PDE3A: variants seen among roughly 807,000 people sequenced by gnomAD.
The protein encoded by PDE3A is cGMP-inhibited 3',5'-cyclic phosphodiesterase 3A.
PDE3A carries 43 observed loss-of-function variants against 98.3 expected under a neutral mutation model. That is an observed-to-expected ratio of 0.44 (90% CI 0.34 to 0.56). The LOEUF (loss-of-function observed/expected upper bound fraction) is 0.56. PDE3A is among the 20% of genes least tolerant of loss of function. The pLI is 0.01. For synonymous variants in PDE3A, 663 were observed against 567.9 expected, an observed-to-expected ratio of 1.17 and a Z score of -2.38; for missense variants, 1,427 against 1,440.7, an observed-to-expected ratio of 0.99 and a Z score of 0.15.
At chr12:20,663,617 T>G (rs1945235365) in intron 15 of PDE3A, among the ~76,000 whole-genome samples, 1 of 152,202 alleles carries the variant, frequency 6.6e-6, no homozygotes, top group Admixed American at 6.5e-5. Context: ...GCATGGGACG[T>G]GTAGCCCCTT....
intron 1 of PDE3A, among the ~76,000 whole-genome samples, chr12:20,406,978 C>A (rs1944244482): frequency 6.6e-6 from 1 of 152,130 alleles, no homozygotes; most frequent in South Asian, 2.1e-4. Context: ...TTATTCTGTG[C>A]CCTTGTTAAG....
chr12:20,563,221 G>A (rs1461731055), intron 2 of PDE3A, among the ~76,000 whole-genome samples: 1 of 152,116 alleles, frequency 6.6e-6, no homozygotes, highest in Non-Finnish European at 1.5e-5. Context: ...GCCTACTAAT[G>A]GCCTGATGCA....
rs1360770416 is a variant in PDE3A, at chr12:20,369,554, G to C, written c.270G>C (p.Glu90Asp). ...LVRGEVGCDL[E>D]QCKEAAAAEE... ...GCGGGGAGGTCGGCTGTGACCTGGA[G>C]CAGTGTAAGGAGGCGGCGGCGGCGG... The change falls in exon 1 of 16, where the codon GAG (glutamate) becomes GAC (aspartate). Residue 90 changes from glutamate (E) to aspartate (D), a missense_variant. Glu to Asp is a conservative substitution (Grantham distance 45). Around this residue, in one of 3 missense-constraint regions of PDE3A, gnomAD observed 1,012 missense variants for 886.5 expected, o/e 1.14. Coordinates refer to ENST00000359062, the MANE Select transcript of PDE3A (RefSeq NM_000921.5). 4 of 1,557,632 alleles carry C rather than the reference G, an allele frequency of 2.6e-6. No homozygotes were observed. The African/African-American group carries it at 5.4e-5, about 21-fold the overall frequency.
chr12:20,635,098 G>A, intron 8 of PDE3A, 42 bp downstream of exon 8: 1 of 1,543,394 alleles, frequency 6.5e-7, no homozygotes, highest in African/African-American at 1.4e-5. Flanking sequence ...CTTGAGAGAT[G>A]AGCTTCTGTT....
chr12:20,617,056 C>T (rs1452919132), intron 4 of PDE3A, among the ~76,000 whole-genome samples: 1 of 152,134 alleles, frequency 6.6e-6, no homozygotes, highest in East Asian at 1.9e-4. Flanking sequence ...TTATACTTAT[C>T]TTACTTTATT....
chr12:20,636,817 A>G (rs1202529773), intron 8 of PDE3A, among the ~76,000 whole-genome samples: 8 of 152,220 alleles, frequency 5.3e-5, no homozygotes, highest in Non-Finnish European at 7.3e-5. Context: ...ACTAACTTAT[A>G]GAAGAAACAT....
At chr12:20,392,064 A>C (rs750615053) in intron 1 of PDE3A, among the ~76,000 whole-genome samples, 1 of 151,944 alleles carries the variant, frequency 6.6e-6, no homozygotes, top group Non-Finnish European at 1.5e-5. Context: ...CTAGGACTGC[A>C]CTTGCTTTTT....
At chr12:20,578,334 T>A (rs530779873) in intron 2 of PDE3A, among the ~76,000 whole-genome samples, 2 of 152,254 alleles carry the variant, frequency 1.3e-5, no homozygotes, top group Non-Finnish European at 2.9e-5. Flanking sequence ...GGCTCTGTTC[T>A]GTATCGTCCT....
At chr12:20,652,100 A>G (rs1258181388) in intron 14 of PDE3A, among the ~76,000 whole-genome samples, 1 of 152,132 alleles carries the variant, frequency 6.6e-6, no homozygotes, top group East Asian at 1.9e-4. Flanking sequence ...ACATGAACTC[A>G]TCCTTTTTTA....
At chr12:20,423,896 A>G (rs779492838) in intron 1 of PDE3A, among the ~76,000 whole-genome samples, 3 of 152,166 alleles carry the variant, frequency 2.0e-5, no homozygotes, top group Non-Finnish European at 2.9e-5. Flanking sequence ...AAAAAAAATT[A>G]TTTAGGTCCT....
chr12:20,561,855 G>A (rs1322012908), intron 2 of PDE3A, among the ~76,000 whole-genome samples: 3 of 152,116 alleles, frequency 2.0e-5, no homozygotes, highest in Non-Finnish European at 4.4e-5. Flanking sequence ...AATTGCATAT[G>A]ACTTTTTAGA....
chr12:20,491,379 C>T (rs1485443241), intron 1 of PDE3A, among the ~76,000 whole-genome samples: 1 of 152,168 alleles, frequency 6.6e-6, no homozygotes, highest in Non-Finnish European at 1.5e-5. Context: ...GAGAACTCCT[C>T]AAAACCAGAG....
At chr12:20,672,159 C>G (rs1367022251) in intron 15 of PDE3A, among the ~76,000 whole-genome samples, 1 of 148,986 alleles carries the variant, frequency 6.7e-6, no homozygotes, top group Non-Finnish European at 1.5e-5. Flanking sequence ...AGGACCTCTT[C>G]AAGGAGAACT....
chr12:20,439,185 T>A (rs928379518), intron 1 of PDE3A, among the ~76,000 whole-genome samples: 11 of 152,002 alleles, frequency 7.2e-5, no homozygotes, highest in African/African-American at 2.7e-4. Context: ...ATCCAGAAAA[T>A]AACAATAGGA....
chr12:20,670,346 A>T (rs1263202212), intron 15 of PDE3A, among the ~76,000 whole-genome samples: 2 of 149,596 alleles, frequency 1.3e-5, no homozygotes, highest in Non-Finnish European at 3.0e-5. Flanking sequence ...CACCAAGCGG[A>T]CCTAATAGAC....
At chr12:20,390,327 A>G (rs1263001034) in intron 1 of PDE3A, among the ~76,000 whole-genome samples, 2 of 151,876 alleles carry the variant, frequency 1.3e-5, no homozygotes, top group Non-Finnish European at 2.9e-5. Context: ...AAACATAATT[A>G]TTCTAGCAGT....
At chr12:20,537,707 A>G (rs915120612) in intron 1 of PDE3A, among the ~76,000 whole-genome samples, 2 of 152,154 alleles carry the variant, frequency 1.3e-5, no homozygotes, top group African/African-American at 4.8e-5. Flanking sequence ...TGTCTAGCCC[A>G]GCATTTCCAA....
At chr12:20,652,667 T>C (rs1328384957) in intron 14 of PDE3A, among the ~76,000 whole-genome samples, 1 of 152,202 alleles carries the variant, frequency 6.6e-6, no homozygotes, top group African/African-American at 2.4e-5. Context: ...TTCTGGATAT[T>C]AGCCCTTTGT....
intron 5 of PDE3A, among the ~76,000 whole-genome samples, chr12:20,623,460 A>C (rs1327966660): frequency 2.0e-5 from 3 of 152,118 alleles, no homozygotes; most frequent in African/African-American, 7.2e-5. Context: ...AGTTGTCAGA[A>C]ATACTGGCAG....
Sources: allele counts gnomAD v4.1 joint callset (sites outside exome capture counted in the v4.1 genomes callset), GRCh38; gene constraint gnomAD v4.1.1; regional missense constraint gnomAD v4.1.1; transcripts MANE v1.5; gene names NCBI Gene and HGNC (gene_info 2026-07-23, HGNC 2026-07-21).